PAH: variants seen among roughly 807,000 people sequenced by gnomAD.
PAH encodes the protein phenylalanine hydroxylase.
PAH carries 64 observed loss-of-function variants against 62.0 expected under a neutral mutation model. The ratio of observed to expected loss-of-function variants is 1.03; its 90% CI spans 0.84 to 1.27. The LOEUF (loss-of-function observed/expected upper bound fraction) is 1.27. Among genes scored for constraint, PAH ranks in the 50% most tolerant of loss-of-function variants. PAH has a pLI of 0.00. For missense variants in PAH, 579 were observed against 542.8 expected (o/e 1.07, Z -0.66); for synonymous variants, 195 against 196.2 (o/e 0.99, Z 0.05).
chr12:102,897,200 C>A (rs1256356363), intron 2 of PAH, among the ~76,000 whole-genome samples: 2 of 152,084 alleles, frequency 1.3e-5, no homozygotes, highest in Non-Finnish European at 2.9e-5. Flanking sequence ...TATCTTCCCA[C>A]TAGAGGATCC....
At chr12:102,886,406 C>A (rs1300946687) in intron 3 of PAH, among the ~76,000 whole-genome samples, 1 of 152,212 alleles carries the variant, frequency 6.6e-6, no homozygotes, top group East Asian at 1.9e-4. Context: ...TTATTCCAAC[C>A]ACCCACCTAA....
intron 5 of PAH, among the ~76,000 whole-genome samples, chr12:102,865,000 C>T (rs1474558691): frequency 1.3e-5 from 2 of 152,098 alleles, no homozygotes; most frequent in Non-Finnish European, 2.9e-5. Context: ...GTTAGTTAAT[C>T]ATGTGGGATT....
chr12:102,877,540 G>C lies in PAH; in HGVS notation c.363C>G (p.Phe121Leu). 1 of 1,613,870 alleles carries C rather than the reference G, an allele frequency of 6.2e-7. No homozygotes were observed. The highest frequency in any genetic ancestry group is 1.1e-5 in the South Asian group (1 of 91,072). Residue 121 changes from phenylalanine to leucine, a missense_variant, in exon 4 of 13, where the codon TTC (phenylalanine) becomes TTG (leucine). Physicochemically the swap from Phe to Leu is conservative, Grantham distance 22. Transcript: ENST00000553106. ...TGTCCAGCTCTTGAATGGTTCTTGG[G>C]AACCAGGGCACTGAAACACAGAGAA... ...RDKKKDTVPWFPRTIQELDRF... is the reference protein window; with the variant it reads ...RDKKKDTVPWLPRTIQELDRF...
chr12:102,857,664 A>G (rs1399940401), intron 5 of PAH, among the ~76,000 whole-genome samples: 1 of 152,250 alleles, frequency 6.6e-6, no homozygotes, highest in African/African-American at 2.4e-5. Flanking sequence ...AGTGGGGGCC[A>G]ATATTCAACA....
chr12:102,877,435 A>G (rs201305674), intron 4 of PAH, 27 bp downstream of exon 4: 474 of 1,565,338 alleles, frequency 3.0e-4, no homozygotes, highest in Non-Finnish European at 3.9e-4. Context: ...CACTGAAAAA[A>G]TCTCATCCTA....
intron 1 of PAH, among the ~76,000 whole-genome samples, chr12:102,936,563 A>C (rs1158987489): frequency 6.6e-6 from 1 of 152,150 alleles, no homozygotes; most frequent in African/African-American, 2.4e-5. Context: ...TGGGTACTCC[A>C]TCATTGGATG....
intron 3 of PAH, among the ~76,000 whole-genome samples, chr12:102,880,671 C>T (rs555377071): frequency 2.0e-5 from 3 of 152,240 alleles, no homozygotes; most frequent in Non-Finnish European, 2.9e-5. Flanking sequence ...GCACCTCCTG[C>T]GTACCAAGCA....
chr12:102,849,898 C>T (rs1275597121), intron 8 of PAH, among the ~76,000 whole-genome samples: 1 of 152,166 alleles, frequency 6.6e-6, no homozygotes, highest in African/African-American at 2.4e-5. Flanking sequence ...TGACTTGCTG[C>T]CTTGGAACTG....
At chr12:102,868,828 G>T (rs963746941) in intron 4 of PAH, among the ~76,000 whole-genome samples, 1 of 152,194 alleles carries the variant, frequency 6.6e-6, no homozygotes, top group Non-Finnish European at 1.5e-5. Flanking sequence ...ATTAAGGTTT[G>T]ATTGTTACAG....
At chr12:102,958,429 A>T (rs575082298), upstream of PAH, 435 of 1,548,798 alleles carry the variant, frequency 2.8e-4, 10 homozygotes, top group South Asian at 4.9e-3. Context: ...CAGCAGCAGC[A>T]GGCGCCGCAG....
At chr12:102,928,866 A>AG (rs1170649872) in intron 1 of PAH, among the ~76,000 whole-genome samples, 2 of 152,146 alleles carry the variant, frequency 1.3e-5, no homozygotes, top group African/African-American at 4.8e-5. Flanking sequence ...TTTTGCTGCA[A>AG]GAGAGCCACT....
At chr12:102,872,605 G>A (rs756725342) in intron 4 of PAH, among the ~76,000 whole-genome samples, 6 of 152,152 alleles carry the variant, frequency 3.9e-5, no homozygotes, top group Non-Finnish European at 8.8e-5. Context: ...TTGTTATTGG[G>A]CAATTTGCTG....
intron 1 of PAH, among the ~76,000 whole-genome samples, chr12:102,949,871 A>G (rs1302913781): frequency 6.6e-6 from 1 of 152,110 alleles, no homozygotes. Context: ...TTTCTTATAC[A>G]TCTGCTTTAA....
At chr12:102,914,211 G>A (rs1221223528) in intron 1 of PAH, among the ~76,000 whole-genome samples, 2 of 152,184 alleles carry the variant, frequency 1.3e-5, no homozygotes, top group Non-Finnish European at 2.9e-5. Context: ...CAAATGAAAT[G>A]GAAGACTAAA....
chr12:102,954,278 A>T (rs1197363235), upstream of PAH, among the ~76,000 whole-genome samples: 36 of 152,210 alleles, frequency 2.4e-4, no homozygotes, highest in Non-Finnish European at 7.3e-5. Context: ...AAATGACAGG[A>T]ATGACTCACC....
chr12:102,884,786 A>C (rs187009529), intron 3 of PAH, among the ~76,000 whole-genome samples: 2 of 152,236 alleles, frequency 1.3e-5, no homozygotes, highest in Admixed American at 1.3e-4. Flanking sequence ...CCCAGGCAAA[A>C]AGGTAGGACT....
At chr12:102,948,304 T>G (rs1879586251) in intron 1 of PAH, among the ~76,000 whole-genome samples, 1 of 151,792 alleles carries the variant, frequency 6.6e-6, no homozygotes. Context: ...AGGGCAGAAG[T>G]GAGGATGAGG....
chr12:102,944,343 A>C (rs1383871601), intron 1 of PAH, among the ~76,000 whole-genome samples: 1 of 151,978 alleles, frequency 6.6e-6, no homozygotes, highest in Admixed American at 6.6e-5. Flanking sequence ...CCTTTGAAAA[A>C]CTTTCTACCC....
intron 4 of PAH, among the ~76,000 whole-genome samples, chr12:102,876,704 C>G (rs1341766835): frequency 6.6e-6 from 1 of 152,170 alleles, no homozygotes; most frequent in Non-Finnish European, 1.5e-5. Flanking sequence ...TGGCCCTGAG[C>G]CACCGCAGCC....
Sources: gnomAD v4.1 joint callset for allele counts (sites outside exome capture counted in the v4.1 genomes callset) on GRCh38, gnomAD v4.1.1 for gene constraint, MANE v1.5 for transcripts, NCBI Gene and HGNC (gene_info 2026-07-23, HGNC 2026-07-21) for gene names.